The following TDRD12 variants were observed in gnomAD, a reference collection of about 807,000 sequenced individuals.
TDRD12 encodes putative ATP-dependent RNA helicase TDRD12.
In TDRD12, 158 loss-of-function variants were observed where a neutral mutation model predicts 133.5. The observed-to-expected ratio is 1.18, with a 90% CI of 1.04 to 1.35. The LOEUF (loss-of-function observed/expected upper bound fraction) is 1.35. TDRD12 is among the 40% of genes most tolerant of loss of function. The probability of loss-of-function intolerance (pLI) is 0.00; values close to 1 mark genes in which losing one functional copy is unlikely to be tolerated. For missense variants in TDRD12, 1,443 were observed against 1,321.3 expected (o/e 1.09, Z -1.43); for synonymous variants, 460 against 477.9 (o/e 0.96, Z 0.49).
At chr19:32,804,856 A>G (rs1971498364) in intron 21 of TDRD12, among the ~76,000 whole-genome samples, 1 of 151,762 alleles carries the variant, frequency 6.6e-6, no homozygotes, top group Admixed American at 6.6e-5. Context: ...AGATTGTGCC[A>G]CTGAATTCCA....
rs1971543166 is a variant in TDRD12 at position 32,806,192 on chromosome 19, A to T, written c.2553-1357A>T. On this transcript the variant is annotated intron_variant, in intron 21 of 27. Coordinates refer to ENST00000444215, the Ensembl canonical transcript of TDRD12. ...CAGACGCAACACCACTGCGTGATAC[A>T]CAGACAGCTGAGGCTGGGGCATGGG... is the stretch of plus-strand genomic sequence containing the variant. 2.6e-5 allele frequency among the ~76,000 whole-genome samples: 4 copies of T among 152,314 alleles called. No homozygotes were observed. In the South Asian group the frequency reaches 8.3e-4, roughly 32 times the overall value.
downstream of TDRD12, chr19:32,829,388 T>A (rs1967686245): frequency 6.6e-6 from 1 of 152,270 alleles, no homozygotes; most frequent in South Asian, 2.1e-4. Flanking sequence ...TATAGGATGC[T>A]GATTATGTGA....
intron 6 of TDRD12, among the ~76,000 whole-genome samples, chr19:32,750,529 A>G (rs919655907): frequency 1.3e-5 from 2 of 152,256 alleles, no homozygotes; most frequent in South Asian, 2.1e-4. Flanking sequence ...TGATGTTAAC[A>G]TAGCACAAAA....
intron 4 of TDRD12, among the ~76,000 whole-genome samples, chr19:32,746,784 CTG>C (rs1969653419): frequency 7.3e-6 from 1 of 137,088 alleles, no homozygotes; most frequent in African/African-American, 2.8e-5. Flanking sequence ...TGTGGTTATT[CTG>C]TGTGTGAGAG....
chr19:32,725,686 G>A (rs508455), intron 1 of TDRD12, among the ~76,000 whole-genome samples: 20,863 of 152,054 alleles, frequency 0.14, 1,813 homozygotes, highest in East Asian at 0.27. Context: ...TAGGAGTGTC[G>A]TGGCTATATG....
At chr19:32,720,167 C>G in intron 1 of TDRD12, 71 bp downstream of exon 1, 1 of 1,430,530 alleles carries the variant, frequency 7.0e-7, no homozygotes, top group Non-Finnish European at 9.3e-7. Flanking sequence ...CGCGCACAGC[C>G]TCCCACCCCC....
At chr19:32,775,377 C>T (rs1466103542) in intron 10 of TDRD12, among the ~76,000 whole-genome samples, 1 of 152,180 alleles carries the variant, frequency 6.6e-6, no homozygotes, top group Non-Finnish European at 1.5e-5. Flanking sequence ...TACTCAGGCT[C>T]TCAAGTGCAG....
chr19:32,812,065 T>C (rs1169524138), intron 24 of TDRD12, among the ~76,000 whole-genome samples: 2 of 152,152 alleles, frequency 1.3e-5, no homozygotes, highest in Non-Finnish European at 2.9e-5. Context: ...GTGGGGTAAC[T>C]AGGGTGTCAC....
At chr19:32,791,499 A>T (rs916226068) in intron 13 of TDRD12, among the ~76,000 whole-genome samples, 1 of 151,960 alleles carries the variant, frequency 6.6e-6, no homozygotes, top group Admixed American at 6.6e-5. Flanking sequence ...AAAAAAAGTT[A>T]AAAAAAAATT....
At chr19:32,783,648 G>C (rs1970829337) in intron 11 of TDRD12, among the ~76,000 whole-genome samples, 1 of 152,094 alleles carries the variant, frequency 6.6e-6, no homozygotes. Context: ...CTTGAGCAGT[G>C]GTTTGTAGTT....
intron 14 of TDRD12, among the ~76,000 whole-genome samples, chr19:32,795,515 A>G (rs1180898054): frequency 6.6e-6 from 1 of 152,126 alleles, no homozygotes; most frequent in Non-Finnish European, 1.5e-5. Flanking sequence ...TCCCACTGAC[A>G]GGGCTAGGAG....
chr19:32,816,179 ATTG>A (rs1343812353), intron 26 of TDRD12, among the ~76,000 whole-genome samples: 1 of 152,216 alleles, frequency 6.6e-6, no homozygotes, highest in Non-Finnish European at 1.5e-5. Flanking sequence ...TACAGAAAGG[ATTG>A]TTGTTAACTT....
At chr19:32,810,600 G>A (rs535161399) in intron 23 of TDRD12, among the ~76,000 whole-genome samples, 155 of 152,306 alleles carry the variant, frequency 1.0e-3, no homozygotes, top group African/African-American at 3.4e-3. Context: ...GCGATGTTAC[G>A]AATGTGGTGT....
At chr19:32,819,629 G>A (rs2051360352) in intron 27 of TDRD12, among the ~76,000 whole-genome samples, 2 of 152,106 alleles carry the variant, frequency 1.3e-5, no homozygotes, top group Admixed American at 1.3e-4. Flanking sequence ...CATACCCGTG[G>A]TCACGAACAC....
chr19:32,756,180 A>G, exon 7 of TDRD12: 1 of 1,417,628 alleles, frequency 7.1e-7, no homozygotes, highest in East Asian at 3.0e-5. Flanking sequence ...AAGGAATGGA[A>G]GGTGAGTAGA....
chr19:32,792,664 T>G (rs1971106126), intron 13 of TDRD12, among the ~76,000 whole-genome samples: 1 of 152,170 alleles, frequency 6.6e-6, no homozygotes, highest in Admixed American at 6.5e-5. Context: ...TTCTGAAGAT[T>G]AACATAGGAA....
chr19:32,796,017 G>A (rs1181347037), intron 14 of TDRD12: 2 of 314,244 alleles, frequency 6.4e-6, no homozygotes, highest in Non-Finnish European at 9.2e-6. Context: ...ATTTGGGTGG[G>A]GATGCAGAGC....
At chr19:32,822,275 C>G (rs1286945422), downstream of TDRD12, among the ~76,000 whole-genome samples, 1 of 151,988 alleles carries the variant, frequency 6.6e-6, no homozygotes, top group Admixed American at 6.6e-5. Context: ...ACTAAAAACA[C>G]AAAAATATTA....
intron 21 of TDRD12, among the ~76,000 whole-genome samples, chr19:32,805,718 A>G (rs1055283108): frequency 8.1e-5 from 10 of 123,270 alleles, no homozygotes; most frequent in African/African-American, 3.1e-4. Context: ...CATACACTTT[A>G]TTTTTTTTAT....
Sources: allele counts gnomAD v4.1 joint callset (sites outside exome capture counted in the v4.1 genomes callset), GRCh38; gene constraint gnomAD v4.1.1; transcripts MANE v1.5; gene names NCBI Gene and HGNC (gene_info 2026-07-23, HGNC 2026-07-21).